Variants in INTS4 observed in about 807,000 individuals in gnomAD.
INTS4 encodes integrator complex subunit 4.
Under a neutral mutation model 119.5 loss-of-function variants are expected in INTS4, and 70 were observed. The observed-to-expected ratio is 0.59, with a 90% CI of 0.48 to 0.71. INTS4 has a LOEUF of 0.71. INTS4 is among the 30% of genes least tolerant of loss of function. The pLI is 0.00. For synonymous variants in INTS4, 316 were observed against 419.6 expected (o/e 0.75, Z 3.02); for missense variants, 867 against 1,173.2 (o/e 0.74, Z 3.81).
intron 4 of INTS4, among the ~76,000 whole-genome samples, chr11:77,970,166 G>A (rs1187716597): frequency 6.6e-6 from 1 of 152,164 alleles, no homozygotes; most frequent in Non-Finnish European, 1.5e-5. Flanking sequence ...GGAGGCTGAG[G>A]CGGGCAGATC....
In INTS4 at chr11:77,937,703, C is replaced by T. The variant is rs192315420; in HGVS notation, c.1165+948G>A. Among the ~76,000 whole-genome samples, 282 of 152,008 alleles carry T rather than the reference C, an allele frequency of 1.9e-3. 2 individuals are homozygous for T. The highest frequency in any genetic ancestry group is 6.8e-3 in the Middle Eastern group (2 of 294). ...AAGCTTCAGTGAGCTGTGATCACAC[C>T]ACTACACTCTAGCCTGGGTGTCAGA... On this transcript the variant is annotated intron_variant, in intron 10 of 22. Transcript: ENST00000534064.
At chr11:77,958,536 T>A (rs1023718077) in intron 7 of INTS4, among the ~76,000 whole-genome samples, 4 of 152,252 alleles carry the variant, frequency 2.6e-5, no homozygotes, top group Non-Finnish European at 5.9e-5. Flanking sequence ...AGAAGTGAAG[T>A]ATCTTTCCAA....
intron 6 of INTS4, 74 bp downstream of exon 6, chr11:77,960,267 C>T (rs377198541): frequency 1.6e-5 from 17 of 1,066,020 alleles, no homozygotes; most frequent in Non-Finnish European, 2.3e-5. Context: ...TTTTCAAATT[C>T]TGAGAACCTG....
chr11:77,917,865 C>A (rs1204701185), intron 15 of INTS4, among the ~76,000 whole-genome samples: 2 of 151,784 alleles, frequency 1.3e-5, no homozygotes, highest in Non-Finnish European at 2.9e-5. Context: ...AGAGTCATCG[C>A]ATGTAAACCA....
intron 11 of INTS4, among the ~76,000 whole-genome samples, chr11:77,927,154 T>G (rs1356225326): frequency 2.6e-5 from 4 of 152,114 alleles, no homozygotes; most frequent in Non-Finnish European, 4.4e-5. Flanking sequence ...GGAAAGTGAC[T>G]TCAGCATAAA....
intron 8 of INTS4, among the ~76,000 whole-genome samples, chr11:77,942,310 G>T (rs597346): frequency 0.74 from 111,903 of 151,978 alleles, 41,740 homozygotes; most frequent in African/African-American, 0.85. Flanking sequence ...AGAGGTATAC[G>T]TGGAGAAATG....
At chr11:77,931,253 A>G (rs1427594031) in intron 10 of INTS4, among the ~76,000 whole-genome samples, 1 of 152,234 alleles carries the variant, frequency 6.6e-6, no homozygotes, top group Non-Finnish European at 1.5e-5. Flanking sequence ...AGTCCCAAAA[A>G]GGAGGGAGAA....
chr11:77,882,551 C>A (rs1951834280), intron 22 of INTS4, among the ~76,000 whole-genome samples: 1 of 152,212 alleles, frequency 6.6e-6, no homozygotes, highest in South Asian at 2.1e-4. Flanking sequence ...AATAAGGAAT[C>A]TATTTTCCTG....
At position 77,882,291 on chromosome 11, in the gene INTS4, C is replaced by T. The variant is rs144542572; in HGVS notation, c.2713+1541G>A. Among the ~76,000 whole-genome samples the T allele has an allele frequency of 3.5e-3, 530 of 152,174 alleles. 1 individual carries two copies. In the Middle Eastern group the frequency reaches 0.037, roughly 11 times the overall value. On this transcript the variant is annotated intron_variant, in intron 22 of 22. Transcript: ENST00000534064. Reference sequence around the variant, plus strand: ...AGGAAGTCTGCAATGAACTAGGATACCTTAAGAGGAAATGGGGCCTAGGAA... The same window carrying T: ...AGGAAGTCTGCAATGAACTAGGATATCTTAAGAGGAAATGGGGCCTAGGAA...
At chr11:77,980,245 C>T (rs911295729) in intron 3 of INTS4, among the ~76,000 whole-genome samples, 1 of 152,112 alleles carries the variant, frequency 6.6e-6, no homozygotes, top group Non-Finnish European at 1.5e-5. Flanking sequence ...CATTCTTGAC[C>T]CCACTCCCCA....
At chr11:77,958,401 C>T (rs1954383724) in intron 7 of INTS4, among the ~76,000 whole-genome samples, 2 of 152,150 alleles carry the variant, frequency 1.3e-5, no homozygotes, top group East Asian at 1.9e-4. Flanking sequence ...CTTTATCTGG[C>T]ATTTGGCACA....
chr11:77,913,614 T>C (rs1953139327), intron 15 of INTS4, among the ~76,000 whole-genome samples: 1 of 152,210 alleles, frequency 6.6e-6, no homozygotes, highest in Middle Eastern at 3.2e-3. Context: ...CCCAGCCAGT[T>C]AGTTTAAATT....
rs1482039652 is a variant in INTS4, at chr11:77,924,861, T to C, written c.1403A>G (p.His468Arg). 6 of 1,597,860 alleles carry C rather than the reference T, an allele frequency of 3.8e-6. No homozygotes were observed. The highest frequency in any genetic ancestry group is 5.1e-6 in the Non-Finnish European group (6 of 1,166,874). The part of the protein sequence containing the change: ...DSSRDIREAL[H>R]ELLCCTNVST... ...AACATTAGTACAGCATAAGAGTTCA[T>C]GAAGAGCCTCTCGAATATCTCTGGA... Residue 468 changes from histidine to arginine, a missense_variant, in exon 12 of 23, where the codon CAT becomes CGT. His to Arg is a conservative substitution (Grantham distance 29). Coordinates refer to ENST00000534064, the MANE Select transcript of INTS4 (RefSeq NM_033547.4).
At chr11:77,962,730 C>T (rs567449878) in intron 4 of INTS4, among the ~76,000 whole-genome samples, 21 of 151,694 alleles carry the variant, frequency 1.4e-4, no homozygotes, top group African/African-American at 3.9e-4. Context: ...AAAAAAATTA[C>T]GTCTCATGAA....
At chr11:77,883,078 T>TAATAAC (rs762267859) in intron 22 of INTS4, among the ~76,000 whole-genome samples, 3 of 150,812 alleles carry the variant, frequency 2.0e-5, no homozygotes, top group African/African-American at 7.3e-5. Flanking sequence ...CGTCTCAAAA[T>TAATAAC]AATAATAATA....
chr11:77,980,895 A>C (rs1209993357), intron 3 of INTS4, among the ~76,000 whole-genome samples: 2 of 152,000 alleles, frequency 1.3e-5, no homozygotes, highest in Non-Finnish European at 2.9e-5. Flanking sequence ...TGGGAGGCTG[A>C]GGCAGGAGAA....
In INTS4 at chr11:77,955,870, C is replaced by G; in HGVS notation, c.918+72G>C. 2.8e-6 allele frequency: 4 copies of G among 1,441,906 alleles called. No individual in the cohort carries two copies. In the South Asian group the frequency reaches 3.7e-5, roughly 13 times the overall value. The allele number at this position is 1,441,906 out of a possible 1,614,324, so 89.3% of individuals were successfully genotyped here. ...GAGTTTGAGACCAACCTGGGCCACA[C>G]AGTCCTCATTTCTACAGAAAAGAAA... On this transcript the variant is annotated intron_variant, in intron 8 of 22. Coordinates refer to ENST00000534064, the MANE Select transcript of INTS4 (RefSeq NM_033547.4).
At chr11:77,945,803 A>G (rs2136539021) in intron 8 of INTS4, among the ~76,000 whole-genome samples, 1 of 152,284 alleles carries the variant, frequency 6.6e-6, no homozygotes, top group East Asian at 1.9e-4. Flanking sequence ...CCTGTCCCCT[A>G]AAACTGGCCA....
rs368345921 is a variant in INTS4, at chr11:77,929,681, C to T, written c.1166-1134G>A. Among the ~76,000 whole-genome samples, 875 of 152,220 alleles carry T rather than the reference C, an allele frequency of 5.7e-3. 5 individuals carry two copies. Among genetic ancestry groups the T allele is most frequent in the African/African-American group, 0.019 (796 of 41,530 alleles). On this transcript the variant is annotated intron_variant, in intron 10 of 22. Transcript: ENST00000534064. Reference sequence around the variant, plus strand: ...AAATCATATAGTAGTTAAGGATACACGCTTGGAATGATAGAGGTCTCAGAG... The same window carrying T: ...AAATCATATAGTAGTTAAGGATACATGCTTGGAATGATAGAGGTCTCAGAG...
Sources: gnomAD v4.1 joint callset for allele counts (sites outside exome capture counted in the v4.1 genomes callset) on GRCh38, gnomAD v4.1.1 for gene constraint, MANE v1.5 for transcripts, NCBI Gene and HGNC (gene_info 2026-07-23, HGNC 2026-07-21) for gene names.